Variants in MACROD2 observed in about 807,000 individuals in gnomAD.
MACROD2 encodes the protein mono-ADP ribosylhydrolase 2.
In MACROD2, 36 loss-of-function variants were observed where a neutral mutation model predicts 70.4. That is an observed-to-expected ratio of 0.51 (90% CI 0.39 to 0.68). The LOEUF (loss-of-function observed/expected upper bound fraction) is 0.68. Among genes scored for constraint, MACROD2 ranks in the 30% least tolerant of loss-of-function variants. MACROD2 has a pLI of 0.00. For missense variants in MACROD2, 496 were observed against 538.4 expected, an observed-to-expected ratio of 0.92 and a Z score of 0.78; for synonymous variants, 172 against 178.8, an observed-to-expected ratio of 0.96 and a Z score of 0.30.
chr20:14,190,167 T>C lies in MACROD2; in HGVS notation c.271+104439T>C, dbSNP rs187984340. On this transcript the variant is annotated intron_variant, in intron 3 of 17. Coordinates refer to ENST00000684519, the MANE Select transcript of MACROD2 (RefSeq NM_001351661.2). ...GGACCTGGATATGCCACTTTACTTC[T>C]TTAGGCTCTAATTCTTCATCTGCAA... Among the ~76,000 whole-genome samples the C allele has an allele frequency of 4.6e-5, 7 of 152,342 alleles. No homozygotes were observed. In the East Asian group the frequency reaches 1.4e-3, roughly 29 times the overall value.
chr20:15,716,037 A>G (rs2050703411), intron 8 of MACROD2, among the ~76,000 whole-genome samples: 2 of 152,212 alleles, frequency 1.3e-5, no homozygotes, highest in East Asian at 1.9e-4. Context: ...ATTTTACATT[A>G]TAATAGCACA....
At position 15,976,677 on chromosome 20, in the gene MACROD2, G is replaced by GT. The variant is rs545859934; in HGVS notation, c.985+9051dup. On this transcript the variant is annotated intron_variant, in intron 13 of 17. Transcript: ENST00000684519. ...TGTGCAATACGCCAAAGCCTGCCTCGTTTTCAAAGCTGGACACCTTGTTTT... is the reference window on the plus strand; with the variant it reads ...TGTGCAATACGCCAAAGCCTGCCTCGTTTTTCAAAGCTGGACACCTTGTTTT... Among the ~76,000 whole-genome samples the GT allele has an allele frequency of 4.4e-3, 672 of 152,238 alleles. 1 individual carries two copies. The highest frequency in any genetic ancestry group is 0.01 in the Middle Eastern group (3 of 294).
intron 10 of MACROD2, among the ~76,000 whole-genome samples, chr20:15,911,332 G>A (rs2065234295): frequency 6.6e-6 from 1 of 152,232 alleles, no homozygotes; most frequent in Admixed American, 6.5e-5. Flanking sequence ...TTCGTCGTCA[G>A]TAAATATTAT....
intron 5 of MACROD2, among the ~76,000 whole-genome samples, chr20:15,139,538 T>G (rs946320018): frequency 1.3e-5 from 2 of 152,164 alleles, no homozygotes; most frequent in Admixed American, 6.6e-5. Context: ...TATCCTGGCT[T>G]ATACCTTGGG....
intron 8 of MACROD2, among the ~76,000 whole-genome samples, chr20:15,525,306 G>A (rs1179276605): frequency 6.6e-6 from 1 of 152,210 alleles, no homozygotes; most frequent in Non-Finnish European, 1.5e-5. Flanking sequence ...AAGGGATCAT[G>A]TGCTTGCCAT....
chr20:14,379,060 A>T (rs372041624), intron 3 of MACROD2, among the ~76,000 whole-genome samples: 1 of 152,204 alleles, frequency 6.6e-6, no homozygotes, highest in Non-Finnish European at 1.5e-5. Flanking sequence ...TTAGTGCTTC[A>T]TATGTGCCAG....
intron 3 of MACROD2, among the ~76,000 whole-genome samples, chr20:14,331,264 G>C (rs1476459853): frequency 2.0e-5 from 3 of 152,000 alleles, no homozygotes; most frequent in African/African-American, 7.2e-5. Flanking sequence ...ACCAAATAAG[G>C]CTCTAACAAT....
At chr20:14,012,930 A>G (rs2052934003) in intron 2 of MACROD2, among the ~76,000 whole-genome samples, 1 of 152,158 alleles carries the variant, frequency 6.6e-6, no homozygotes, top group Admixed American at 6.6e-5. Flanking sequence ...GTGATTTAGT[A>G]CTGCCTCTTT....
At chr20:15,035,671 T>C (rs191147186) in intron 5 of MACROD2, among the ~76,000 whole-genome samples, 1 of 152,280 alleles carries the variant, frequency 6.6e-6, no homozygotes. Context: ...TATTACATCA[T>C]GGAGGCTGCT....
intron 2 of MACROD2, among the ~76,000 whole-genome samples, chr20:14,067,741 A>G (rs189800003): frequency 7.6e-4 from 115 of 152,276 alleles, no homozygotes; most frequent in African/African-American, 2.6e-3. Context: ...AAAATAAAAA[A>G]TCCTGGGAGA....
At position 14,547,879 on chromosome 20, in the gene MACROD2, C is replaced by T. The variant is rs966329515; in HGVS notation, c.301+54371C>T. 7.2e-5 allele frequency among the ~76,000 whole-genome samples: 11 copies of T among 152,192 alleles called. No individual in the cohort carries two copies. The South Asian group carries it at 2.3e-3, about 32-fold the overall frequency. ...TTTCCAGCGTCTCCTCTGTATGGCT[C>T]TAATCATCCTGCAGTCTCGTGTGGA... On this transcript the variant is annotated intron_variant, in intron 4 of 17. Transcript: ENST00000684519.
chr20:15,352,982 C>T (rs1235658964), intron 6 of MACROD2, among the ~76,000 whole-genome samples: 1 of 151,786 alleles, frequency 6.6e-6, no homozygotes, highest in Non-Finnish European at 1.5e-5. Flanking sequence ...TGACTTTCTT[C>T]ACAGAATTGG....
intron 5 of MACROD2, among the ~76,000 whole-genome samples, chr20:14,719,004 C>A (rs1446807255): frequency 6.6e-6 from 1 of 152,000 alleles, no homozygotes; most frequent in Non-Finnish European, 1.5e-5. Flanking sequence ...GAGGCTGAGG[C>A]GGGCAGATCA....
At chr20:15,654,075 T>C (rs2049688314) in intron 8 of MACROD2, among the ~76,000 whole-genome samples, 1 of 152,178 alleles carries the variant, frequency 6.6e-6, no homozygotes, top group Non-Finnish European at 1.5e-5. Context: ...GTTGACAGGA[T>C]GGGAACCCTC....
intron 6 of MACROD2, among the ~76,000 whole-genome samples, chr20:15,310,444 C>T (rs2146145597): frequency 6.6e-6 from 1 of 152,210 alleles, no homozygotes; most frequent in African/African-American, 2.4e-5. Context: ...CAAACAAATT[C>T]CATTTCCCTG....
intron 7 of MACROD2, among the ~76,000 whole-genome samples, chr20:15,496,208 GCAAA>G (rs994518983): frequency 9.9e-5 from 15 of 152,202 alleles, no homozygotes; most frequent in African/African-American, 3.1e-4. Context: ...AAGTAGCTGA[GCAAA>G]CAAACTAACG....
chr20:15,542,962 G>A (rs2047977927), intron 8 of MACROD2, among the ~76,000 whole-genome samples: 1 of 152,160 alleles, frequency 6.6e-6, no homozygotes, highest in Non-Finnish European at 1.5e-5. Flanking sequence ...TGAGGACGTG[G>A]GAAATGAAGA....
chr20:14,571,807 AG>A (rs1934813701), intron 4 of MACROD2, among the ~76,000 whole-genome samples: 1 of 152,090 alleles, frequency 6.6e-6, no homozygotes, highest in African/African-American at 2.4e-5. Flanking sequence ...GTCACGGGCT[AG>A]TTCTACAATT....
At chr20:15,449,015 AT>A (rs1485492514) in intron 7 of MACROD2, among the ~76,000 whole-genome samples, 1 of 152,188 alleles carries the variant, frequency 6.6e-6, no homozygotes, top group Non-Finnish European at 1.5e-5. Context: ...TCATTTATGC[AT>A]CAGGATTTAT....
Sources: gnomAD v4.1 joint callset for allele counts (sites outside exome capture counted in the v4.1 genomes callset) on GRCh38, gnomAD v4.1.1 for gene constraint, MANE v1.5 for transcripts, NCBI Gene and HGNC (gene_info 2026-07-23, HGNC 2026-07-21) for gene names.